The following HACD3 variants were observed in gnomAD, a reference collection of about 807,000 sequenced individuals.
HACD3 encodes the protein 3-hydroxyacyl-CoA dehydratase 3.
In HACD3, 30 loss-of-function variants were observed where a neutral mutation model predicts 55.2. The ratio of observed to expected loss-of-function variants is 0.54; its 90% CI spans 0.41 to 0.74. The LOEUF (loss-of-function observed/expected upper bound fraction) is 0.74. Ranked by LOEUF, HACD3 falls within the 30% of genes least tolerant of loss-of-function variation. The pLI is 0.00. For synonymous variants in HACD3, 141 were observed against 151.7 expected, an observed-to-expected ratio of 0.93 and a Z score of 0.52; for missense variants, 363 against 440.1, an observed-to-expected ratio of 0.82 and a Z score of 1.57.
At chr15:65,575,082 T>C (rs1344627035) in intron 10 of HACD3, among the ~76,000 whole-genome samples, 1 of 152,214 alleles carries the variant, frequency 6.6e-6, no homozygotes, top group Non-Finnish European at 1.5e-5. Flanking sequence ...ATGTAGTTGC[T>C]CTTTTCTTAT....
At chr15:65,543,672 C>T (rs537520266) in intron 1 of HACD3, among the ~76,000 whole-genome samples, 1 of 152,232 alleles carries the variant, frequency 6.6e-6, no homozygotes, top group East Asian at 1.9e-4. Context: ...ATTACCATTT[C>T]CAACCAAAGA....
At chr15:65,533,454 A>G (rs352487) in intron 1 of HACD3, among the ~76,000 whole-genome samples, 143,027 of 152,238 alleles carry the variant, frequency 0.94, 67,192 homozygotes, top group Admixed American at 0.96. Context: ...AATTTGGCCA[A>G]AGGGTGTTTG....
chr15:65,552,143 G>A (rs2072139802), intron 2 of HACD3, among the ~76,000 whole-genome samples: 3 of 152,086 alleles, frequency 2.0e-5, no homozygotes, highest in South Asian at 2.1e-4. Flanking sequence ...TCATGGACCC[G>A]AGATTGAGAA....
At chr15:65,549,718 A>G (rs2141212023) in intron 1 of HACD3, among the ~76,000 whole-genome samples, 1 of 152,262 alleles carries the variant, frequency 6.6e-6, no homozygotes, top group East Asian at 1.9e-4. Flanking sequence ...GGTTAGGATG[A>G]ACTAGAAATA....
Position 65,556,798 on chromosome 15 carries a change from G to T in HACD3, c.264G>T (p.Gln88His). 6.2e-7 allele frequency: 1 copy of T among 1,612,272 alleles called. No homozygotes were observed. Among genetic ancestry groups the T allele is most frequent in the Non-Finnish European group, 8.5e-7 (1 of 1,179,112 alleles). ...TTACAGTACAGAAGAAAGTGAGTCA[G>T]TGGTGGGAGAGACTCACAAAGCAGG... ...VNITVQKKVS[Q>H]WWERLTKQEK... Residue 88 changes from glutamine (Q) to histidine (H), a missense_variant, in exon 4 of 11, where the codon CAG becomes CAT. Physicochemically the swap from Gln to His is conservative, Grantham distance 24. Transcript: ENST00000261875.
At chr15:65,535,317 A>G (rs1023803608) in intron 1 of HACD3, among the ~76,000 whole-genome samples, 1 of 152,226 alleles carries the variant, frequency 6.6e-6, no homozygotes, top group Non-Finnish European at 1.5e-5. Flanking sequence ...TAATATCACG[A>G]CTATTTAAAG....
chr15:65,556,375 AT>A (rs1163423690), intron 3 of HACD3, among the ~76,000 whole-genome samples: 1 of 152,208 alleles, frequency 6.6e-6, no homozygotes, highest in Non-Finnish European at 1.5e-5. Flanking sequence ...TGCATGCACA[AT>A]TCACAATAGA....
intron 6 of HACD3, 135 bp downstream of exon 6, chr15:65,563,019 C>A: frequency 7.5e-7 from 1 of 1,325,350 alleles, no homozygotes; most frequent in Non-Finnish European, 1.0e-6. Flanking sequence ...TTTCGTTGTG[C>A]TTTCATAGCT....
chr15:65,561,750 T>A (rs1243234613), intron 5 of HACD3, among the ~76,000 whole-genome samples: 1 of 152,096 alleles, frequency 6.6e-6, no homozygotes, highest in Admixed American at 6.5e-5. Flanking sequence ...ACTGTTTACC[T>A]AGAGATAGCA....
Position 65,570,117 on chromosome 15 carries a change from T to C in HACD3, c.687T>C (p.Phe229=). The C allele has an allele frequency of 6.2e-7, 1 of 1,610,626 alleles. No homozygotes were observed. Among genetic ancestry groups the C allele is most frequent in the South Asian group, 1.1e-5 (1 of 90,232 alleles). The change falls in exon 8 of 11, where the codon TTT becomes TTC. Residue 229 remains phenylalanine (F), a synonymous_variant. Transcript: ENST00000261875. The part of the protein sequence containing the change: ...IQLLGRNFIL[F]IIFGTMEEMQ... ...TTCTTGGAAGAAATTTTATTTTGTT[T>C]ATCATCTTTGGCACCATGGAAGAAA...
In HACD3 at chr15:65,570,129, C is replaced by A. The variant is rs539132527; in HGVS notation, c.699C>A (p.Gly233=). The A allele has an allele frequency of 6.2e-7, 1 of 1,612,206 alleles. No individual in the cohort carries two copies. The highest frequency in any genetic ancestry group is 2.2e-5 in the East Asian group (1 of 44,822). ...GRNFILFIIF[G]TMEEMQNKAV... is the part of the protein sequence containing the mutation. ...ATTTTATTTTGTTTATCATCTTTGG[C>A]ACCATGGAAGAAATGCAGAACAAAG... Residue 233 remains glycine, a synonymous_variant, in exon 8 of 11, where the codon GGC becomes GGA. Coordinates refer to ENST00000261875, the MANE Select transcript of HACD3 (RefSeq NM_016395.4).
chr15:65,570,423 AGAG>A (rs763068126), intron 8 of HACD3, among the ~76,000 whole-genome samples: 1 of 152,238 alleles, frequency 6.6e-6, no homozygotes, highest in Non-Finnish European at 1.5e-5. Context: ...AGGGAGCAGA[AGAG>A]GAGAACCAGA....
At chr15:65,555,816 G>A (rs759192938) in intron 3 of HACD3, among the ~76,000 whole-genome samples, 1 of 152,234 alleles carries the variant, frequency 6.6e-6, no homozygotes, top group East Asian at 1.9e-4. Context: ...TCTAAAACCG[G>A]GGTCTGCTGA....
chr15:65,568,733 C>T (rs752460292), intron 7 of HACD3, among the ~76,000 whole-genome samples: 3 of 152,028 alleles, frequency 2.0e-5, no homozygotes, highest in South Asian at 2.1e-4. Flanking sequence ...TCTTTAAAGA[C>T]GAGCTCAAAT....
At chr15:65,535,633 T>A (rs1338675706) in intron 1 of HACD3, 1 of 402,208 alleles carries the variant, frequency 2.5e-6, no homozygotes, top group Admixed American at 4.4e-5. Flanking sequence ...CTTGGAATAG[T>A]TCAGATTTTT....
rs1340173633 is a variant in HACD3, at chr15:65,576,931, AT to A, written c.*553del. On this transcript the variant is annotated 3_prime_UTR_variant, in exon 11 of 11. Transcript: ENST00000261875. ...ATTTCTAAGAGTGGGGCTAGAGAACATACTTTACATCTGACATCCTTTGGCC... is the reference window on the plus strand; with the variant it reads ...ATTTCTAAGAGTGGGGCTAGAGAACAACTTTACATCTGACATCCTTTGGCC... 1 of 153,198 alleles carries A rather than the reference AT, an allele frequency of 6.5e-6. No homozygotes were observed. Among genetic ancestry groups the A allele is most frequent in the Admixed American group, 6.5e-5 (1 of 15,372 alleles). 9.5% of individuals were successfully genotyped at this position (153,198 alleles called of 1,614,324 possible).
At position 65,554,977 on chromosome 15, in the gene HACD3, C is replaced by T. The variant is rs2072174114; in HGVS notation, c.204+17C>T. The stretch of plus-strand genomic sequence containing the variant: ...AAACCAGAGGTATGTTCTTTCCTTT[C>T]TCACTTCCCTTCCCATTTTAGGAAA... On this transcript the variant is annotated intron_variant, in intron 3 of 10. Transcript: ENST00000261875. The T allele has an allele frequency of 6.4e-7, 1 of 1,565,274 alleles. No homozygotes were observed. Among genetic ancestry groups the T allele is most frequent in the African/African-American group, 1.4e-5 (1 of 73,894 alleles).
chr15:65,534,193 C>T (rs1017953193), intron 1 of HACD3, among the ~76,000 whole-genome samples: 1 of 152,192 alleles, frequency 6.6e-6, no homozygotes, highest in Admixed American at 6.5e-5. Context: ...AGCACTTTAA[C>T]ACTCTCTGCT....
At chr15:65,543,287 A>G (rs1264006344) in intron 1 of HACD3, among the ~76,000 whole-genome samples, 1 of 152,150 alleles carries the variant, frequency 6.6e-6, no homozygotes, top group Non-Finnish European at 1.5e-5. Context: ...AAGGACAAAA[A>G]GAACTGCAAT....
Sources: allele counts gnomAD v4.1 joint callset (sites outside exome capture counted in the v4.1 genomes callset), GRCh38; gene constraint gnomAD v4.1.1; transcripts MANE v1.5; gene names NCBI Gene and HGNC (gene_info 2026-07-23, HGNC 2026-07-21).